Variants in DYNLT2 observed in about 807,000 individuals in gnomAD.
DYNLT2 encodes dynein light chain Tctex-type protein 2.
A neutral mutation model predicts 24.3 loss-of-function variants in DYNLT2; 24 were observed. The observed-to-expected ratio is 0.99, with a 90% CI of 0.71 to 1.39. DYNLT2 has a LOEUF of 1.39. Ranked by LOEUF, DYNLT2 falls within the 40% of genes most tolerant of loss-of-function variation. The pLI, the probability that DYNLT2 is intolerant of heterozygous loss-of-function variation, is 0.00. For missense variants in DYNLT2, 246 were observed against 234.5 expected, an observed-to-expected ratio of 1.05 and a Z score of -0.32; for synonymous variants, 85 against 85.4, an observed-to-expected ratio of 1.00 and a Z score of 0.03.
downstream of DYNLT2, among the ~76,000 whole-genome samples, chr6:169,735,306 T>C (rs146290694): frequency 2.0e-3 from 305 of 152,314 alleles, 2 homozygotes; most frequent in African/African-American, 6.9e-3. Flanking sequence ...CTGATGTTAG[T>C]TATTTTTTGT....
chr6:169,725,110 A>G, the DYNLT2 span: 1 of 398,452 alleles, frequency 2.5e-6, no homozygotes, highest in African/African-American at 2.1e-5. Context: ...TGCATTTATT[A>G]CTGATCTCGG....
chr6:169,728,249 A>C, the DYNLT2 span, among the ~76,000 whole-genome samples: 1 of 152,198 alleles, frequency 6.6e-6, no homozygotes, highest in Non-Finnish European at 1.5e-5. Flanking sequence ...ACAAGGTAGG[A>C]AATTTGAGGG....
the DYNLT2 span, among the ~76,000 whole-genome samples, chr6:169,731,572 C>A: frequency 1.3e-5 from 2 of 152,152 alleles, no homozygotes; most frequent in African/African-American, 4.8e-5. Flanking sequence ...GGGGACTTGT[C>A]TGTTTTTTTC....
At chr6:169,742,451 C>G (rs907872967) in intron 3 of DYNLT2, among the ~76,000 whole-genome samples, 5 of 152,122 alleles carry the variant, frequency 3.3e-5, no homozygotes, top group African/African-American at 1.2e-4. Context: ...TTTTATCATT[C>G]CTTGATTTTC....
At chr6:169,734,550 G>GT in the DYNLT2 span, among the ~76,000 whole-genome samples, 1 of 152,252 alleles carries the variant, frequency 6.6e-6, no homozygotes, top group African/African-American at 2.4e-5. Flanking sequence ...TAATCATGTG[G>GT]TTTTTGTCTT....
At chr6:169,731,721 C>G in the DYNLT2 span, among the ~76,000 whole-genome samples, 1 of 152,158 alleles carries the variant, frequency 6.6e-6, no homozygotes, top group South Asian at 2.1e-4. Flanking sequence ...ACCTAGGCTA[C>G]AGATATAACA....
chr6:169,746,255 C>A (rs7764839), intron 1 of DYNLT2, among the ~76,000 whole-genome samples: 27,413 of 151,916 alleles, frequency 0.18, 3,047 homozygotes, highest in African/African-American at 0.3. Context: ...TCAATTTCTG[C>A]TATAATTTTT....
intron 1 of DYNLT2, chr6:169,751,095 C>T (rs537763377): frequency 1.7e-4 from 76 of 448,340 alleles, no homozygotes; most frequent in Non-Finnish European, 2.8e-4. Context: ...CCCTTCCAAT[C>T]GACTTATGTA....
the DYNLT2 span, among the ~76,000 whole-genome samples, chr6:169,727,020 G>A: frequency 1.7e-3 from 252 of 152,344 alleles, no homozygotes; most frequent in African/African-American, 5.7e-3. Flanking sequence ...TAAGTGTAAA[G>A]TACTGTAAAC....
rs771804179 is a variant in DYNLT2, at chr6:169,744,176, T to G, written c.219A>C (p.Glu73Asp). The change falls in exon 2 of 4, where the codon GAA becomes GAC. Residue 73 changes from glutamate to aspartate, a missense_variant. By Grantham distance (45) the Glu-to-Asp change is conservative (BLOSUM62 2). Transcript: ENST00000366774. Reference protein sequence around the residue: ...FDDSIADIGKEWKSALAKLKF... With the variant: ...FDDSIADIGKDWKSALAKLKF... The stretch of plus-strand genomic sequence containing the variant: ...TTAATTTTGCCAGGGCACTCTTCCA[T>G]TCTTTACCTATATCAGCAATTGAGT... 6.2e-7 allele frequency: 1 copy of G among 1,613,548 alleles called. No individual in the cohort carries two copies. Among genetic ancestry groups the G allele is most frequent in the Non-Finnish European group, 8.5e-7 (1 of 1,179,920 alleles).
chr6:169,726,763 A>C, the DYNLT2 span, among the ~76,000 whole-genome samples: 1 of 152,256 alleles, frequency 6.6e-6, no homozygotes, highest in Non-Finnish European at 1.5e-5. Context: ...GTATTAACTA[A>C]GAACTATGTT....
rs371819669 is a variant in DYNLT2 at position 169,751,142 on chromosome 6, T to C, written c.120+197A>G. On this transcript the variant is annotated intron_variant, in intron 1 of 3. Transcript: ENST00000366774. Reference sequence around the variant, plus strand: ...CCCTAATTAAAAAACAAGAAAACTTTAGCACTCAAGTCCAAAGGGGACTGC... The same window carrying C: ...CCCTAATTAAAAAACAAGAAAACTTCAGCACTCAAGTCCAAAGGGGACTGC... 40 of 736,496 alleles carry C rather than the reference T, an allele frequency of 5.4e-5. No homozygotes were observed. The African/African-American group carries it at 5.8e-4, about 11-fold the overall frequency. The allele number at this position is 736,496 out of a possible 1,614,324, so 45.6% of individuals were successfully genotyped here.
intron 1 of DYNLT2, among the ~76,000 whole-genome samples, chr6:169,746,718 A>T (rs1407770322): frequency 6.6e-6 from 1 of 151,998 alleles, no homozygotes; most frequent in Non-Finnish European, 1.5e-5. Flanking sequence ...GACATGATTC[A>T]CCAGGTAAAG....
At chr6:169,733,643 A>G in the DYNLT2 span, among the ~76,000 whole-genome samples, 4 of 152,210 alleles carry the variant, frequency 2.6e-5, no homozygotes, top group South Asian at 6.2e-4. Context: ...CCATTGGTCT[A>G]TATGTCTGTT....
At position 169,743,114 on chromosome 6, in the gene DYNLT2, A is replaced by G. The variant is rs751909824; in HGVS notation, c.452T>C (p.Val151Ala). The change falls in exon 3 of 4, where the codon GTA (valine) becomes GCA (alanine). Residue 151 changes from valine to alanine, a missense_variant. By Grantham distance (64) the Val-to-Ala change is moderately conservative. Transcript: ENST00000366774. Reference protein sequence around the residue: ...GYHRYKFIIKVLFIQKTGQAI... With the variant: ...GYHRYKFIIKALFIQKTGQAI... ...TTGGCCAGTCTTTTGAATAAATAAT[A>G]CTTTTATAATGAACTTATAACGGTG... The G allele has an allele frequency of 1.3e-6, 2 of 1,575,794 alleles. No individual in the cohort carries two copies. Among genetic ancestry groups the G allele is most frequent in the East Asian group, 2.3e-5 (1 of 44,298 alleles).
the DYNLT2 span, among the ~76,000 whole-genome samples, chr6:169,733,053 T>C: frequency 6.6e-6 from 1 of 152,334 alleles, no homozygotes; most frequent in African/African-American, 2.4e-5. Flanking sequence ...GAGCTTTTTT[T>C]CCATATGTTT....
rs747868926 is a variant in DYNLT2 at position 169,744,173 on chromosome 6, C to G, written c.222G>C (p.Trp74Cys). 1.2e-6 allele frequency: 2 copies of G among 1,613,320 alleles called. No homozygotes were observed. The highest frequency in any genetic ancestry group is 2.7e-5 in the African/African-American group (2 of 74,912). The change falls in exon 2 of 4, where the codon TGG becomes TGC. Residue 74 changes from tryptophan to cysteine, a missense_variant. Transcript: ENST00000366774. The stretch of plus-strand genomic sequence containing the variant: ...ACTTTAATTTTGCCAGGGCACTCTT[C>G]CATTCTTTACCTATATCAGCAATTG... Reference protein sequence around the residue: ...DDSIADIGKEWKSALAKLKFA... With the variant: ...DDSIADIGKECKSALAKLKFA...
At chr6:169,742,747 C>T (rs1192489194) in intron 3 of DYNLT2, among the ~76,000 whole-genome samples, 2 of 151,982 alleles carry the variant, frequency 1.3e-5, no homozygotes, top group Non-Finnish European at 2.9e-5. Flanking sequence ...TACAGGCACC[C>T]ACCACCATGC....
chr6:169,737,062 G>A (rs1391008978), downstream of DYNLT2, among the ~76,000 whole-genome samples: 1 of 151,936 alleles, frequency 6.6e-6, no homozygotes, highest in Non-Finnish European at 1.5e-5. Flanking sequence ...TTTCAGTAAG[G>A]TGGTCTTCAA....
Sources: gnomAD v4.1 joint callset for allele counts (sites outside exome capture counted in the v4.1 genomes callset) on GRCh38, gnomAD v4.1.1 for gene constraint, MANE v1.5 for transcripts, NCBI Gene and HGNC (gene_info 2026-07-23, HGNC 2026-07-21) for gene names.